The following ZMYM1 variants were observed in gnomAD, a reference collection of about 807,000 sequenced individuals.
ZMYM1 encodes the protein zinc finger MYM-type containing 1.
A neutral mutation model predicts 60.0 loss-of-function variants in ZMYM1; 39 were observed. The observed-to-expected ratio is 0.65, with a 90% CI of 0.50 to 0.85. ZMYM1 has a LOEUF of 0.85. Ranked by LOEUF, ZMYM1 falls within the 40% of genes least tolerant of loss-of-function variation. The pLI is 0.00. For missense variants in ZMYM1, 1,171 were observed against 1,309.5 expected (o/e 0.89, Z 1.63); for synonymous variants, 413 against 454.0 (o/e 0.91, Z 1.15).
In ZMYM1 at chr1:35,063,036, T is replaced by C. The variant is rs563278869; in HGVS notation, c.-301+3111T>C. On this transcript the variant is annotated intron_variant, in intron 1 of 10. Transcript: ENST00000417119. ...TGGCAGCTCTCCTCCAGGCAGTGAC[T>C]CAGGGACCCAGACTCCTTCCGTCTT... Among the ~76,000 whole-genome samples the C allele has an allele frequency of 3.3e-5, 5 of 152,176 alleles. No homozygotes were observed. The South Asian group carries it at 1.0e-3, about 32-fold the overall frequency.
chr1:35,067,074 G>C (rs1011906365), intron 1 of ZMYM1, among the ~76,000 whole-genome samples: 2 of 152,100 alleles, frequency 1.3e-5, no homozygotes, highest in Non-Finnish European at 2.9e-5. Context: ...TGCCTCCCGG[G>C]TTCAGGTGAT....
chr1:35,116,998 T>A (rs1348970010), downstream of ZMYM1, among the ~76,000 whole-genome samples: 6 of 150,708 alleles, frequency 4.0e-5, no homozygotes, highest in Non-Finnish European at 8.9e-5. Flanking sequence ...CGCCCGCCAC[T>A]GTGCCCGGCT....
In ZMYM1 at chr1:35,111,791, G is replaced by T; in HGVS notation, c.981G>T (p.Val327=). 1 of 1,601,394 alleles carries T rather than the reference G, an allele frequency of 6.2e-7. No homozygotes were observed. Among genetic ancestry groups the T allele is most frequent in the South Asian group, 1.1e-5 (1 of 88,658 alleles). ...ESSSVSVVSV[V]HDTSTELLSP... ...TGTCAGTAAGTGTTGTTTCTGTGGT[G>T]CATGATACTTCAACAGAGCTTCTTT... The change falls in exon 8 of 10, where the codon GTG becomes GTT. Residue 327 remains valine (V), a synonymous_variant. Coordinates refer to ENST00000359858, the MANE Select transcript of ZMYM1 (RefSeq NM_024772.5).
In ZMYM1 at chr1:35,113,641, T is replaced by C. The variant is rs1405213181; in HGVS notation, c.1811T>C (p.Leu604Pro). Reference sequence around the variant, plus strand: ...GATAAAGGAGAAGAAACATTTCGACTTATGAATTCACAAGTTGACTTCTAT... The same window carrying C: ...GATAAAGGAGAAGAAACATTTCGACCTATGAATTCACAAGTTGACTTCTAT... ...AKDKGEETFR[L>P]MNSQVDFYNS... The change falls in exon 10 of 10, where the codon CTT becomes CCT. Residue 604 changes from leucine (L) to proline (P), a missense_variant. Leu to Pro is a moderately conservative substitution (Grantham distance 98). Transcript: ENST00000359858. 1 of 1,612,580 alleles carries C rather than the reference T, an allele frequency of 6.2e-7. No individual in the cohort carries two copies. Among genetic ancestry groups the C allele is most frequent in the East Asian group, 2.2e-5 (1 of 44,840 alleles).
At chr1:35,095,501 G>GA (rs60070624) in intron 2 of ZMYM1, among the ~76,000 whole-genome samples, 18,347 of 107,766 alleles carry the variant, frequency 0.17, 2,389 homozygotes, top group East Asian at 0.45. Context: ...AAAAAAAAAA[G>GA]AAAAAAAAAA....
At chr1:35,107,133 G>A (rs1489586819) in intron 6 of ZMYM1, among the ~76,000 whole-genome samples, 1 of 149,762 alleles carries the variant, frequency 6.7e-6, no homozygotes. Context: ...TTACAGGTGT[G>A]AGCCACCGCG....
chr1:35,086,971 C>CCG (rs1557647882), intron 1 of ZMYM1, among the ~76,000 whole-genome samples: 1 of 150,368 alleles, frequency 6.7e-6, no homozygotes, highest in East Asian at 1.9e-4. Context: ...GCATGAGCCA[C>CCG]CGCACCCAGC....
downstream of ZMYM1, among the ~76,000 whole-genome samples, chr1:35,117,172 C>T (rs1644258511): frequency 1.3e-5 from 2 of 151,316 alleles, no homozygotes; most frequent in Non-Finnish European, 2.9e-5. Context: ...CACTTTTCTC[C>T]AGCTGTTTCT....
chr1:35,062,157 G>A (rs1037484684), intron 1 of ZMYM1, among the ~76,000 whole-genome samples: 9 of 152,042 alleles, frequency 5.9e-5, no homozygotes, highest in South Asian at 2.1e-4. Flanking sequence ...TATGTAAAGC[G>A]TCAATTATTC....
intron 7 of ZMYM1, 117 bp from the exon 8 acceptor site, chr1:35,111,655 C>G: frequency 1.0e-6 from 1 of 962,438 alleles, no homozygotes; most frequent in Non-Finnish European, 1.4e-6. Context: ...ACTTCAGTAC[C>G]TACCAATTCC....
At chr1:35,090,927 C>T (rs1050178354) in intron 1 of ZMYM1, among the ~76,000 whole-genome samples, 3 of 150,752 alleles carry the variant, frequency 2.0e-5, no homozygotes, top group Non-Finnish European at 4.4e-5. Flanking sequence ...TCCTGGGCAA[C>T]GAGAGCAAAA....
intron 2 of ZMYM1, 22 bp downstream of exon 2, chr1:35,094,105 C>A: frequency 6.3e-7 from 1 of 1,587,552 alleles, no homozygotes; most frequent in Non-Finnish European, 8.6e-7. Flanking sequence ...CCCTTATTTC[C>A]ATTATTTCTA....
chr1:35,116,835 AT>A (rs10671957), downstream of ZMYM1, among the ~76,000 whole-genome samples: 40 of 88,960 alleles, frequency 4.5e-4, no homozygotes, highest in African/African-American at 1.7e-3. Context: ...TAGGCCTGGA[AT>A]TTTTTTTTTT....
At chr1:35,078,536 AAT>A (rs1491093129), upstream of ZMYM1, among the ~76,000 whole-genome samples, 1 of 112,616 alleles carries the variant, frequency 8.9e-6, no homozygotes, top group East Asian at 4.4e-4. Context: ...GGGTTATTTT[AAT>A]TTTTTTTTTT....
intron 1 of ZMYM1, among the ~76,000 whole-genome samples, chr1:35,091,832 G>C (rs1433056149): frequency 6.9e-6 from 1 of 145,844 alleles, no homozygotes; most frequent in Non-Finnish European, 1.5e-5. Context: ...GGAGGGTGAG[G>C]CTGCAGTGAA....
chr1:35,103,755 A>G (rs1643776622), intron 4 of ZMYM1, among the ~76,000 whole-genome samples: 1 of 152,190 alleles, frequency 6.6e-6, no homozygotes, highest in South Asian at 2.1e-4. Context: ...ACGGTGAAAA[A>G]GCAAATAACA....
At chr1:35,088,450 A>ATGTGTG (rs1198947267) in intron 1 of ZMYM1, among the ~76,000 whole-genome samples, 4 of 104,028 alleles carry the variant, frequency 3.8e-5, no homozygotes, top group Admixed American at 2.2e-4. Flanking sequence ...ATATATATAT[A>ATGTGTG]TATATGTGTG....
intron 1 of ZMYM1, among the ~76,000 whole-genome samples, chr1:35,092,934 A>G (rs1019196232): frequency 1.3e-5 from 2 of 152,104 alleles, no homozygotes; most frequent in Non-Finnish European, 2.9e-5. Context: ...CAACTTCGTT[A>G]TTTTTTTAAA....
intron 1 of ZMYM1, among the ~76,000 whole-genome samples, chr1:35,065,986 A>C (rs1641965852): frequency 6.6e-6 from 1 of 152,212 alleles, no homozygotes; most frequent in Non-Finnish European, 1.5e-5. Context: ...AAACCCATCC[A>C]AGATAAACCA....
Sources: gnomAD v4.1 joint callset for allele counts (sites outside exome capture counted in the v4.1 genomes callset) on GRCh38, gnomAD v4.1.1 for gene constraint, MANE v1.5 for transcripts, NCBI Gene and HGNC (gene_info 2026-07-23, HGNC 2026-07-21) for gene names.